PADI1: variants seen among roughly 807,000 people sequenced by gnomAD.
The protein encoded by PADI1 is peptidyl arginine deiminase 1.
Under a neutral mutation model 74.8 loss-of-function variants are expected in PADI1, and 65 were observed. That is an observed-to-expected ratio of 0.87 (90% CI 0.71 to 1.07). The LOEUF (loss-of-function observed/expected upper bound fraction) is 1.07. PADI1 is among the 50% of genes least tolerant of loss of function. The pLI is 0.00. For missense variants in PADI1, 943 were observed against 854.0 expected (o/e 1.10, Z -1.30); for synonymous variants, 371 against 336.2 (o/e 1.10, Z -1.13).
In PADI1 at chr1:17,214,955, C is replaced by G. The variant is rs552214168; in HGVS notation, c.93-7335C>G. Among the ~76,000 whole-genome samples, 5 of 152,324 alleles carry G rather than the reference C, an allele frequency of 3.3e-5. No individual in the cohort carries two copies. The South Asian group carries it at 1.0e-3, about 32-fold the overall frequency. On this transcript the variant is annotated intron_variant, in intron 1 of 15. Coordinates refer to ENST00000375471, the MANE Select transcript of PADI1 (RefSeq NM_013358.3). ...AAGCAGACCCCTCCTCCTGCCTCTT[C>G]CTGGTGGTTTTCAAAGCTCCTGCTG...
At chr1:17,210,258 A>T (rs537168897) in intron 1 of PADI1, among the ~76,000 whole-genome samples, 56 of 151,644 alleles carry the variant, frequency 3.7e-4, no homozygotes, top group African/African-American at 1.3e-3. Context: ...CTTGGGCTCA[A>T]GTGATCCTCT....
At chr1:17,240,963 G>A (rs1015792737) in intron 15 of PADI1, among the ~76,000 whole-genome samples, 3 of 152,304 alleles carry the variant, frequency 2.0e-5, no homozygotes, top group Admixed American at 2.0e-4. Flanking sequence ...TTGCCGCAGT[G>A]AGGTGCATGC....
In PADI1 at chr1:17,213,998, C is replaced by T. The variant is rs536573786; in HGVS notation, c.93-8292C>T. Among the ~76,000 whole-genome samples, 157 of 152,266 alleles carry T rather than the reference C, an allele frequency of 1.0e-3. 1 individual carries two copies. Among genetic ancestry groups the T allele is most frequent in the African/African-American group, 3.4e-3 (143 of 41,558 alleles). ...AGGACGCTGCTCTGGGCGGCGCAGA[C>T]GAGATGTGAAGTGGCCCCCAGGAAG... On this transcript the variant is annotated intron_variant, in intron 1 of 15. Coordinates refer to ENST00000375471, the MANE Select transcript of PADI1 (RefSeq NM_013358.3).
At chr1:17,236,768 AAGAG>A (rs1404094243) in intron 11 of PADI1, among the ~76,000 whole-genome samples, 3 of 152,154 alleles carry the variant, frequency 2.0e-5, no homozygotes, top group East Asian at 3.9e-4. Context: ...AAAATTAAAA[AAGAG>A]AGAGAGAAAG....
chr1:17,242,945 C>T (rs919170944), intron 15 of PADI1, among the ~76,000 whole-genome samples: 2 of 149,684 alleles, frequency 1.3e-5, no homozygotes, highest in Non-Finnish European at 3.0e-5. Context: ...AGAGGTAGTT[C>T]AGGGCCAAGG....
intron 1 of PADI1, among the ~76,000 whole-genome samples, chr1:17,208,587 C>T (rs2071748083): frequency 6.7e-6 from 1 of 149,694 alleles, no homozygotes. Context: ...TAGCTCACCA[C>T]CCTGTCCACC....
At chr1:17,228,166 A>T (rs569108387) in intron 6 of PADI1, among the ~76,000 whole-genome samples, 7 of 152,118 alleles carry the variant, frequency 4.6e-5, no homozygotes, top group East Asian at 1.9e-4. Context: ...ATTTTAAAAA[A>T]TTTTTTGTAG....
chr1:17,215,647 G>A (rs191792097), intron 1 of PADI1, among the ~76,000 whole-genome samples: 4 of 152,194 alleles, frequency 2.6e-5, no homozygotes, highest in South Asian at 2.1e-4. Context: ...GGGCCAGGCC[G>A]ACTGGATTCA....
rs372449880 is a variant in PADI1, at chr1:17,215,381, A to ATCATCATCATCATCG, written c.93-6894_93-6880dup. Among the ~76,000 whole-genome samples the ATCATCATCATCATCG allele has an allele frequency of 2.7e-5, 4 of 150,858 alleles. No individual in the cohort carries two copies. In the East Asian group the frequency reaches 7.8e-4, roughly 29 times the overall value. On this transcript the variant is annotated intron_variant, in intron 1 of 15. Transcript: ENST00000375471. The stretch of plus-strand genomic sequence containing the variant: ...CCTGTCATTTCTTCCCCCTTCTTTC[A>ATCATCATCATCATCG]TCATCATCATCATCGTCATCATCAT...
chr1:17,228,713 C>G lies in PADI1; in HGVS notation c.741C>G (p.Ile247Met). Residue 247 changes from isoleucine (I) to methionine (M), a missense_variant, in exon 7 of 16, where the codon ATC (isoleucine) becomes ATG (methionine). Coordinates refer to ENST00000375471, the MANE Select transcript of PADI1 (RefSeq NM_013358.3). ...EVERQPGEQE[I>M]KFYVEGLTFP... ...AGCGACAGCCAGGGGAGCAGGAGAT[C>G]AAGTTCTATGTGGAGGGGCTGACCT... 3 of 1,614,196 alleles carry G rather than the reference C, an allele frequency of 1.9e-6. No homozygotes were observed. In the East Asian group the frequency reaches 6.7e-5, roughly 36 times the overall value.
intron 15 of PADI1, among the ~76,000 whole-genome samples, chr1:17,242,751 AG>A (rs2072802856): frequency 2.0e-5 from 3 of 152,220 alleles, no homozygotes; most frequent in African/African-American, 7.2e-5. Context: ...ACAGTGAGCG[AG>A]TGGCGGAGTT....
intron 1 of PADI1, among the ~76,000 whole-genome samples, chr1:17,218,912 G>A (rs930059300): frequency 1.3e-5 from 2 of 152,206 alleles, no homozygotes; most frequent in Non-Finnish European, 2.9e-5. Flanking sequence ...GCTGGGAGAT[G>A]AGGTGGTGGG....
At chr1:17,218,787 G>T (rs1203519483) in intron 1 of PADI1, among the ~76,000 whole-genome samples, 2 of 152,216 alleles carry the variant, frequency 1.3e-5, no homozygotes, top group Non-Finnish European at 2.9e-5. Context: ...GGCAAGGCCA[G>T]TGATGCCCTT....
At chr1:17,220,620 A>G (rs56911645) in intron 1 of PADI1, among the ~76,000 whole-genome samples, 7,220 of 152,044 alleles carry the variant, frequency 0.047, 546 homozygotes, top group African/African-American at 0.16. Context: ...AGTGGACTTG[A>G]CCTTGGGTGG....
Position 17,210,888 on chromosome 1 carries a change from C to T in PADI1, c.92+5579C>T, listed in dbSNP as rs574767833. On this transcript the variant is annotated intron_variant, in intron 1 of 15. Coordinates refer to ENST00000375471, the MANE Select transcript of PADI1 (RefSeq NM_013358.3). ...CACACCTCCCATCTCAAGGAACCTCCTGTGGTCTTTTCCCCAGGGCCGTCT... is the reference window on the plus strand; with the variant it reads ...CACACCTCCCATCTCAAGGAACCTCTTGTGGTCTTTTCCCCAGGGCCGTCT... Among the ~76,000 whole-genome samples the T allele has an allele frequency of 1.2e-3, 190 of 152,334 alleles. 1 individual carries two copies. Among genetic ancestry groups the T allele is most frequent in the African/African-American group, 4.1e-3 (172 of 41,590 alleles).
At chr1:17,214,060 A>G (rs1413307295) in intron 1 of PADI1, among the ~76,000 whole-genome samples, 7 of 152,352 alleles carry the variant, frequency 4.6e-5, no homozygotes, top group Admixed American at 3.3e-4. Flanking sequence ...GAGGAAGCAC[A>G]TAAGGTTTCT....
At position 17,244,133 on chromosome 1, in the gene PADI1, A is replaced by G; in HGVS notation, c.1882A>G (p.Ile628Val). Reference protein sequence around the residue: ...SLLEPLGLHCIFIDDYLSYHE... With the variant: ...SLLEPLGLHCVFIDDYLSYHE... The stretch of plus-strand genomic sequence containing the variant: ...GCTGGAGCCTCTGGGCCTGCACTGC[A>G]TCTTCATTGATGACTACTTGTCCTA... The change falls in exon 16 of 16, where the codon ATC becomes GTC. Residue 628 changes from isoleucine (I) to valine (V), a missense_variant. Physicochemically the swap from Ile to Val is conservative, Grantham distance 29. Transcript: ENST00000375471. 6.2e-7 allele frequency: 1 copy of G among 1,614,180 alleles called. No homozygotes were observed. Among genetic ancestry groups the G allele is most frequent in the East Asian group, 2.2e-5 (1 of 44,886 alleles).
At chr1:17,212,774 T>A (rs2071866981) in intron 1 of PADI1, among the ~76,000 whole-genome samples, 2 of 152,312 alleles carry the variant, frequency 1.3e-5, no homozygotes, top group African/African-American at 2.4e-5. Context: ...CCAAGGCCTA[T>A]GCTATGCAAG....
rs747659256 is a variant in PADI1 at position 17,228,765 on chromosome 1, G to C, written c.793G>C (p.Val265Leu). 6.8e-6 allele frequency: 11 copies of C among 1,614,170 alleles called. No homozygotes were observed. In the East Asian group the frequency reaches 2.5e-4, roughly 36 times the overall value. ...CCCCGATGCCGATTTCCTAGGGCTGGTTTCCCTCAGTGTCAGCCTGGTGGA... is the reference window on the plus strand; with the variant it reads ...CCCCGATGCCGATTTCCTAGGGCTGCTTTCCCTCAGTGTCAGCCTGGTGGA... The part of the protein sequence containing the change: ...TFPDADFLGL[V>L]SLSVSLVDPG... Residue 265 changes from valine (V) to leucine (L), a missense_variant, in exon 7 of 16, where the codon GTT (valine) becomes CTT (leucine). Coordinates refer to ENST00000375471, the MANE Select transcript of PADI1 (RefSeq NM_013358.3).
Sources: allele counts gnomAD v4.1 joint callset (sites outside exome capture counted in the v4.1 genomes callset), GRCh38; gene constraint gnomAD v4.1.1; transcripts MANE v1.5; gene names NCBI Gene and HGNC (gene_info 2026-07-23, HGNC 2026-07-21).